Variants in EPS8 observed in about 807,000 individuals in gnomAD.
EPS8 encodes the protein EGFR pathway substrate 8, signaling adaptor.
Under a neutral mutation model 103.8 loss-of-function variants are expected in EPS8, and 42 were observed. The ratio of observed to expected loss-of-function variants is 0.40; its 90% confidence interval spans 0.32 to 0.52. EPS8 has a LOEUF of 0.52. Among genes scored for constraint, EPS8 ranks in the 20% least tolerant of loss-of-function variants. EPS8 has a pLI of 0.40. For synonymous variants in EPS8, 344 were observed against 344.6 expected (o/e 1.00, Z 0.02); for missense variants, 969 against 1,005.1 (o/e 0.96, Z 0.49).
Position 15,743,683 on chromosome 12 carries a change from T to C in EPS8, c.-22+45478A>G, listed in dbSNP as rs377249086. On this transcript the variant is annotated intron_variant, in intron 1 of 20. Transcript: ENST00000281172. ...GGGAAAGGATTCCCTATTTAATAAA[T>C]GGTGCTGGGAAAACTGGCTAGCCAT... 1.1e-3 allele frequency among the ~76,000 whole-genome samples: 165 copies of C among 152,316 alleles called. 2 individuals carry two copies. The East Asian group carries it at 0.031, about 28-fold the overall frequency.
In EPS8 at chr12:15,679,575, C is replaced by T. The variant is rs951149904; in HGVS notation, c.136+1651G>A. Among the ~76,000 whole-genome samples, 8 of 152,280 alleles carry T rather than the reference C, an allele frequency of 5.3e-5. No individual in the cohort carries two copies. In the South Asian group the frequency reaches 8.3e-4, roughly 16 times the overall value. On this transcript the variant is annotated intron_variant, in intron 3 of 20. Transcript: ENST00000281172. Reference sequence around the variant, plus strand: ...GTTTCATACTGTCTGTAGCATCCTCCGACCCCTGAAATGCTGAAGAACACA... The same window carrying T: ...GTTTCATACTGTCTGTAGCATCCTCTGACCCCTGAAATGCTGAAGAACACA...
intron 6 of EPS8, among the ~76,000 whole-genome samples, chr12:15,669,035 C>T (rs1319959349): frequency 1.3e-5 from 2 of 152,108 alleles, no homozygotes; most frequent in East Asian, 1.9e-4. Flanking sequence ...AGACTACAAG[C>T]GTGTACAACC....
intron 18 of EPS8, among the ~76,000 whole-genome samples, chr12:15,624,862 G>A (rs115903932): frequency 9.9e-5 from 15 of 152,242 alleles, no homozygotes; most frequent in South Asian, 2.1e-4. Context: ...ACTTTTGGTC[G>A]TCACAATTGA....
chr12:15,745,517 T>C lies in EPS8; in HGVS notation c.-22+43644A>G, dbSNP rs1425409034. 6.8e-6 allele frequency among the ~76,000 whole-genome samples: 1 copy of C among 147,920 alleles called. No homozygotes were observed. The highest frequency in any genetic ancestry group is 2.5e-5 in the African/African-American group (1 of 39,778). ...TATTATCCCTGAATTAGACAGTCTC[T>C]ACAGTCCCCATCTGACTCCAAAAAT... On this transcript the variant is annotated intron_variant, in intron 1 of 20. Coordinates refer to ENST00000281172, the MANE Select transcript of EPS8 (RefSeq NM_004447.6). The surrounding 1 kb of genome is among the most constrained non-coding windows in gnomAD (Gnocchi z 4.6).
At chr12:15,703,431 T>C (rs1946338464) in intron 1 of EPS8, among the ~76,000 whole-genome samples, 1 of 152,124 alleles carries the variant, frequency 6.6e-6, no homozygotes, top group Admixed American at 6.5e-5. Context: ...CATCAGGTCT[T>C]GAAAGACAGT....
At chr12:15,671,054 G>A (rs1377355329) in intron 3 of EPS8, 131 bp from the exon 4 acceptor site, 1 of 559,130 alleles carries the variant, frequency 1.8e-6, no homozygotes, top group Non-Finnish European at 3.1e-6. Context: ...TTGCCATTGT[G>A]TGGTGTATCT....
Position 15,634,039 on chromosome 12 carries a change from G to A in EPS8, c.1822-2375C>T, listed in dbSNP as rs531324346. 2.6e-5 allele frequency among the ~76,000 whole-genome samples: 4 copies of A among 152,168 alleles called. No individual in the cohort carries two copies. The South Asian group carries it at 8.3e-4, about 32-fold the overall frequency. On this transcript the variant is annotated intron_variant, in intron 17 of 20. Transcript: ENST00000281172. Reference sequence around the variant, plus strand: ...ATGATTCCAACGTATCTCAGTTTACGTAATGTCTTGGAGAACAGAAGTGCA... The same window carrying A: ...ATGATTCCAACGTATCTCAGTTTACATAATGTCTTGGAGAACAGAAGTGCA...
Position 15,696,734 on chromosome 12 carries a change from T to C in EPS8, c.-21-13762A>G, listed in dbSNP as rs1946248613. 6.6e-6 allele frequency among the ~76,000 whole-genome samples: 1 copy of C among 152,144 alleles called. No homozygotes were observed. The highest frequency in any genetic ancestry group is 6.6e-5 in the Admixed American group (1 of 15,258). The stretch of plus-strand genomic sequence containing the variant: ...ACTTGGGAAGAAATGGGACTTTTTT[T>C]ACATGTCCACTTTGAGGCCAGTGTC... On this transcript the variant is annotated intron_variant, in intron 1 of 20. Coordinates refer to ENST00000281172, the MANE Select transcript of EPS8 (RefSeq NM_004447.6). The surrounding 1 kb of genome is among the most constrained non-coding windows in gnomAD (Gnocchi z 4.8).
intron 18 of EPS8, among the ~76,000 whole-genome samples, chr12:15,630,211 CACACACACACACACAT>C (rs1449863200): frequency 4.7e-4 from 71 of 151,514 alleles, no homozygotes; most frequent in African/African-American, 1.6e-3. Flanking sequence ...CACTCACACA[CACACACACACACACAT>C]ACACACACAC....
intron 3 of EPS8, among the ~76,000 whole-genome samples, chr12:15,679,828 G>A (rs913765055): frequency 2.0e-5 from 3 of 152,138 alleles, no homozygotes; most frequent in Admixed American, 6.5e-5. Flanking sequence ...TGAAGATCAT[G>A]GCATAGCATA....
intron 12 of EPS8, among the ~76,000 whole-genome samples, chr12:15,655,759 G>A (rs1248619936): frequency 1.3e-5 from 2 of 152,212 alleles, no homozygotes; most frequent in Non-Finnish European, 2.9e-5. Flanking sequence ...TCTCAAGAAC[G>A]TGCGCAGGCA....
chr12:15,702,877 G>A lies in EPS8; in HGVS notation c.-21-19905C>T, dbSNP rs545461715. ...ATAATAAGTTCATTCGAGGCTGGGC[G>A]CGGTGGCTCAGGCCTTTAATCCCAG... On this transcript the variant is annotated intron_variant, in intron 1 of 20. Transcript: ENST00000281172. This position sits in a 1 kb window ranked among gnomAD's most constrained non-coding sequence, Gnocchi z 5.1. Among the ~76,000 whole-genome samples the A allele has an allele frequency of 3.9e-5, 6 of 152,194 alleles. No individual in the cohort carries two copies. Among genetic ancestry groups the A allele is most frequent in the Admixed American group, 3.9e-4 (6 of 15,284 alleles).
At chr12:15,683,042 C>A in intron 1 of EPS8, 70 bp from the exon 2 acceptor site, 2 of 749,820 alleles carry the variant, frequency 2.7e-6, no homozygotes, top group South Asian at 1.8e-5. Context: ...AAAAGTTATT[C>A]ATTCAACAAA....
In EPS8 at chr12:15,631,623, G is replaced by A; in HGVS notation, c.1863C>T (p.Pro621=). 2.5e-6 allele frequency: 4 copies of A among 1,613,870 alleles called. No individual in the cohort carries two copies. Among genetic ancestry groups the A allele is most frequent in the Non-Finnish European group, 3.4e-6 (4 of 1,179,914 alleles). Residue 621 remains proline, a synonymous_variant, in exon 18 of 21, where the codon CCC becomes CCT. Coordinates refer to ENST00000281172, the MANE Select transcript of EPS8 (RefSeq NM_004447.6). The stretch of plus-strand genomic sequence containing the variant: ...GTGTTGGAGGAGGTGATGGAGCAGG[G>A]GGAGTATCAGCTGGTCTTGGGCCAT... The part of the protein sequence containing the change: ...MEYGPRPADT[P]PAPSPPPTPA...
intron 18 of EPS8, among the ~76,000 whole-genome samples, chr12:15,624,661 G>A (rs769228819): frequency 3.9e-5 from 6 of 152,110 alleles, no homozygotes; most frequent in South Asian, 2.1e-4. Flanking sequence ...AACTTTCTGC[G>A]TATTCTGTGC....
intron 1 of EPS8, among the ~76,000 whole-genome samples, chr12:15,699,288 A>G (rs1946281510): frequency 6.6e-6 from 1 of 152,240 alleles, no homozygotes; most frequent in Admixed American, 6.5e-5. Flanking sequence ...TGAAAAGAAA[A>G]TAGTATGAAG....
At position 15,772,152 on chromosome 12, in the gene EPS8, T is replaced by C. The variant is rs1306718027; in HGVS notation, c.-22+17009A>G. Among the ~76,000 whole-genome samples the C allele has an allele frequency of 6.6e-6, 1 of 151,904 alleles. No homozygotes were observed. The highest frequency in any genetic ancestry group is 1.5e-5 in the Non-Finnish European group (1 of 67,996). ...CAAAAAGATTTAATGACTGTTGACA[T>C]ATAGGTGGGGCAGAAAGGTGGGTAA... On this transcript the variant is annotated intron_variant, in intron 1 of 20. Coordinates refer to ENST00000281172, the MANE Select transcript of EPS8 (RefSeq NM_004447.6). The surrounding 1 kb of genome is among the most constrained non-coding windows in gnomAD (Gnocchi z 5.0).
rs903423528 is a variant in EPS8, at chr12:15,701,920, C to A, written c.-21-18948G>T. 6.6e-6 allele frequency among the ~76,000 whole-genome samples: 1 copy of A among 152,146 alleles called. No individual in the cohort carries two copies. The highest frequency in any genetic ancestry group is 6.5e-5 in the Admixed American group (1 of 15,272). ...AAAGAGTTCAAACATCTGACTCTTA[C>A]AATATTTTGCTTTCAGTAGAAAGAC... On this transcript the variant is annotated intron_variant, in intron 1 of 20. Coordinates refer to ENST00000281172, the MANE Select transcript of EPS8 (RefSeq NM_004447.6). The surrounding 1 kb of genome is among the most constrained non-coding windows in gnomAD (Gnocchi z 5.1).
intron 1 of EPS8, chr12:15,712,811 C>T: frequency 2.1e-6 from 2 of 954,382 alleles, no homozygotes; most frequent in Non-Finnish European, 2.5e-6. Flanking sequence ...TTTGAGAGCC[C>T]TCCTTAGCAA....
Sources: gnomAD v4.1 joint callset for allele counts (sites outside exome capture counted in the v4.1 genomes callset) on GRCh38, gnomAD v4.1.1 for gene constraint, Gnocchi (gnomAD v3.1) non-coding constraint, MANE v1.5 for transcripts, NCBI Gene and HGNC (gene_info 2026-07-23, HGNC 2026-07-21) for gene names.